C1QL1: variants seen among roughly 807,000 people sequenced by gnomAD.
C1QL1 encodes complement C1q like 1, also known as C1q-related factor.
In C1QL1, 15 loss-of-function variants were observed where a neutral mutation model predicts 14.2. That is an observed-to-expected ratio of 1.06 (90% CI 0.71 to 1.62). The LOEUF is 1.62. C1QL1 is among the 40% of genes most tolerant of loss of function. C1QL1 has a pLI of 0.00. For synonymous variants in C1QL1, 172 were observed against 172.4 expected (o/e 1.00, Z 0.02); for missense variants, 346 against 380.3 (o/e 0.91, Z 0.75).
chr17:44,968,040 C>A lies in C1QL1; in HGVS notation c.9G>T (p.Leu3=). 1 of 1,346,798 alleles carries A rather than the reference C, an allele frequency of 7.4e-7. No homozygotes were observed. The allele number at this position is 1,346,798 out of a possible 1,614,324, so 83.4% of individuals were successfully genotyped here. ML[L]VLVVLIPVLV... is the part of the protein sequence containing the mutation. ...GCACGGGGATGAGCACCACCAGCAC[C>A]AGCAGCATCACCACACCCGCGGCGG... The change falls in exon 1 of 2, where the codon CTG becomes CTT. Residue 3 remains leucine, a synonymous_variant. Coordinates refer to ENST00000253407, the MANE Select transcript of C1QL1 (RefSeq NM_006688.5).
At chr17:44,966,679 G>A (rs924051824) in intron 1 of C1QL1, among the ~76,000 whole-genome samples, 2 of 152,154 alleles carry the variant, frequency 1.3e-5, no homozygotes, top group Non-Finnish European at 2.9e-5. Flanking sequence ...GGAGAATGGA[G>A]AGGACCCCAC....
rs775034078 is a variant in C1QL1 at position 44,967,990 on chromosome 17, C to A, written c.59G>T (p.Gly20Val). ...GCAGGTGCCCAGCATCTCATAGTGGCCTTCCGGGCCGCCCGAGCTCACCAG... is the reference window on the plus strand; with the variant it reads ...GCAGGTGCCCAGCATCTCATAGTGGACTTCCGGGCCGCCCGAGCTCACCAG... ...PVLVSSGGPE[G>V]HYEMLGTCRM... Residue 20 changes from glycine (G) to valine (V), a missense_variant, in exon 1 of 2, where the codon GGC becomes GTC. By Grantham distance (109) the Gly-to-Val change is moderately radical. Transcript: ENST00000253407. The surrounding 1 kb of genome is among the most constrained non-coding windows in gnomAD (Gnocchi z 7.0). 1.4e-6 allele frequency: 2 copies of A among 1,383,912 alleles called. No individual in the cohort carries two copies. Among genetic ancestry groups the A allele is most frequent in the African/African-American group, 1.5e-5 (1 of 66,654 alleles). The allele number at this position is 1,383,912 out of a possible 1,614,324, so 85.7% of individuals were successfully genotyped here. A position where few individuals can be genotyped will look rare whatever the true frequency, so the allele number is the denominator to read the frequency against.
intron 1 of C1QL1, among the ~76,000 whole-genome samples, chr17:44,963,673 G>A (rs1394693034): frequency 2.0e-5 from 3 of 152,018 alleles, no homozygotes; most frequent in Non-Finnish European, 2.9e-5. Flanking sequence ...TGATCCGCCC[G>A]CCTCAGCCTC....
rs1704369518 is a variant in C1QL1 at position 44,960,163 on chromosome 17, G to C, written c.*25C>G. The C allele has an allele frequency of 3.1e-6, 5 of 1,609,464 alleles. No homozygotes were observed. The highest frequency in any genetic ancestry group is 4.3e-6 in the Non-Finnish European group (5 of 1,176,374). ...GAGGGGACCCCGGCGGGTGAGGGAC[G>C]TGGGTGGAGGGAGACGTGGGGAGCT... On this transcript the variant is annotated 3_prime_UTR_variant, in exon 2 of 2. Coordinates refer to ENST00000253407, the MANE Select transcript of C1QL1 (RefSeq NM_006688.5).
At chr17:44,961,176 C>A (rs2052625276) in intron 1 of C1QL1, among the ~76,000 whole-genome samples, 1 of 152,232 alleles carries the variant, frequency 6.6e-6, no homozygotes, top group South Asian at 2.1e-4. Flanking sequence ...GATGTGACAT[C>A]CTTGCTGGTC....
At position 44,967,469 on chromosome 17, in the gene C1QL1, G is replaced by A. The variant is rs753777778; in HGVS notation, c.580C>T (p.Leu194Phe). 6.8e-6 allele frequency: 11 copies of A among 1,613,824 alleles called. No homozygotes were observed. The highest frequency in any genetic ancestry group is 1.7e-5 in the Admixed American group (1 of 60,016). ...GGDGTSMWADLCKNGQVRASA... is the reference protein window; with the variant it reads ...GGDGTSMWADFCKNGQVRASA... The stretch of plus-strand genomic sequence containing the variant: ...TGGCCCACCTGGCCATTCTTGCAGA[G>A]GTCTGCCCACATACTGGTGCCGTCG... The change falls in exon 1 of 2, where the codon CTC (leucine) becomes TTC (phenylalanine). Residue 194 changes from leucine to phenylalanine, a missense_variant. Physicochemically the swap from Leu to Phe is conservative, Grantham distance 22. Transcript: ENST00000253407. This position sits in a 1 kb window ranked among gnomAD's most constrained non-coding sequence, Gnocchi z 7.0.
rs746407035 is a variant in C1QL1 at position 44,966,696 on chromosome 17, C to T, written c.597+756G>A. On this transcript the variant is annotated intron_variant, in intron 1 of 1. Transcript: ENST00000253407. ...AGAATGGAGAGGACCCCACACACTC[C>T]AGAGTCAGGAGGGGCTGGAGCTGGG... Among the ~76,000 whole-genome samples, 112 of 152,246 alleles carry T rather than the reference C, an allele frequency of 7.4e-4. 1 individual carries two copies. The highest frequency in any genetic ancestry group is 5.8e-4 in the East Asian group (3 of 5,178).
In C1QL1 at chr17:44,967,945, T is replaced by G. The variant is rs772406073; in HGVS notation, c.104A>C (p.Tyr35Ser). The G allele has an allele frequency of 3.1e-6, 4 of 1,306,044 alleles. No individual in the cohort carries two copies. Among genetic ancestry groups the G allele is most frequent in the Non-Finnish European group, 3.9e-6 (4 of 1,032,268 alleles). The allele number at this position is 1,306,044 out of a possible 1,614,324, so 80.9% of individuals were successfully genotyped here. Residue 35 changes from tyrosine (Y) to serine (S), a missense_variant, in exon 1 of 2, where the codon TAC becomes TCC. Transcript: ENST00000253407. This position sits in a 1 kb window ranked among gnomAD's most constrained non-coding sequence, Gnocchi z 7.0. ...LGTCRMVCDP[Y>S]PARGPGAGAR... Reference sequence around the variant, plus strand: ...GCCGGCGCCGGGGCCCCGCGCGGGGTAGGGGTCGCACACCATGCGGCAGGT... The same window carrying G: ...GCCGGCGCCGGGGCCCCGCGCGGGGGAGGGGTCGCACACCATGCGGCAGGT...
chr17:44,962,682 C>A (rs2052634760), intron 1 of C1QL1, among the ~76,000 whole-genome samples: 1 of 152,168 alleles, frequency 6.6e-6, no homozygotes, highest in South Asian at 2.1e-4. Context: ...TATTATTACA[C>A]ATGCATTTCA....
Position 44,968,008 on chromosome 17 carries a change from C to A in C1QL1, c.41G>T (p.Ser14Ile). 7.2e-7 allele frequency: 1 copy of A among 1,388,106 alleles called. No individual in the cohort carries two copies. Among genetic ancestry groups the A allele is most frequent in the Admixed American group, 2.5e-5 (1 of 39,940 alleles). The allele number at this position is 1,388,106 out of a possible 1,614,324, so 86.0% of individuals were successfully genotyped here. The change falls in exon 1 of 2, where the codon AGC becomes ATC. Residue 14 changes from serine to isoleucine, a missense_variant. Ser to Ile is a moderately radical substitution (Grantham distance 142). Coordinates refer to ENST00000253407, the MANE Select transcript of C1QL1 (RefSeq NM_006688.5). ...ATAGTGGCCTTCCGGGCCGCCCGAGCTCACCAGCACGGGGATGAGCACCAC... is the reference window on the plus strand; with the variant it reads ...ATAGTGGCCTTCCGGGCCGCCCGAGATCACCAGCACGGGGATGAGCACCAC... ...VLVVLIPVLV[S>I]SGGPEGHYEM...
chr17:44,965,220 G>A (rs1663839487), intron 1 of C1QL1, among the ~76,000 whole-genome samples: 1 of 152,192 alleles, frequency 6.6e-6, no homozygotes, highest in Non-Finnish European at 1.5e-5. Context: ...CACCGTGTTA[G>A]CCAGGATGGT....
chr17:44,963,952 G>A (rs2052642240), intron 1 of C1QL1, among the ~76,000 whole-genome samples: 1 of 152,156 alleles, frequency 6.6e-6, no homozygotes, highest in South Asian at 2.1e-4. Flanking sequence ...TGTGGATCTT[G>A]GAGGCAGCTG....
intron 1 of C1QL1, among the ~76,000 whole-genome samples, chr17:44,960,657 G>C (rs540301090): frequency 4.3e-4 from 66 of 152,324 alleles, no homozygotes; most frequent in South Asian, 2.1e-3. Context: ...CCCTCCAGCT[G>C]GCTGAGAACC....
chr17:44,966,316 C>T (rs925659618), intron 1 of C1QL1, among the ~76,000 whole-genome samples: 1 of 152,200 alleles, frequency 6.6e-6, no homozygotes, highest in Admixed American at 6.5e-5. Context: ...GCTGGCAGAG[C>T]CTCAGGGCAG....
intron 1 of C1QL1, among the ~76,000 whole-genome samples, chr17:44,964,843 C>CTTTTG (rs2052648452): frequency 6.6e-6 from 1 of 151,398 alleles, no homozygotes; most frequent in South Asian, 2.1e-4. Context: ...CTTTTCTTTT[C>CTTTTG]TTTTCTTTTT....
intron 1 of C1QL1, among the ~76,000 whole-genome samples, chr17:44,966,249 T>C (rs2052656812): frequency 1.3e-5 from 2 of 152,212 alleles, no homozygotes; most frequent in African/African-American, 4.8e-5. Context: ...TGGCAGGCTA[T>C]CTGCTCACTT....
intron 1 of C1QL1, among the ~76,000 whole-genome samples, chr17:44,961,565 C>T (rs1314905362): frequency 7.3e-6 from 1 of 137,550 alleles, no homozygotes; most frequent in Admixed American, 7.6e-5. Context: ...GCGCTCCAGC[C>T]TGGGCGACAT....
chr17:44,967,905 G>C lies in C1QL1; in HGVS notation c.144C>G (p.Gly48=). Residue 48 remains glycine, a synonymous_variant, in exon 1 of 2, where the codon GGC becomes GGG. Transcript: ENST00000253407. This position sits in a 1 kb window ranked among gnomAD's most constrained non-coding sequence, Gnocchi z 7.0. ...CGCTCTGCTCGCTCAGGGCGTCGCC[G>C]CCGTCGGTCCGCGCGCCGGCGCCGG... The part of the protein sequence containing the change: ...RGPGAGARTD[G]GDALSEQSGA... 8.0e-7 allele frequency: 1 copy of C among 1,247,036 alleles called. No individual in the cohort carries two copies. The highest frequency in any genetic ancestry group is 1.6e-5 in the African/African-American group (1 of 64,212). The allele number at this position is 1,247,036 out of a possible 1,614,324, so 77.2% of individuals were successfully genotyped here.
chr17:44,967,968 G>C lies in C1QL1; in HGVS notation c.81C>G (p.Thr27=). The change falls in exon 1 of 2, where the codon ACC becomes ACG. Residue 27 remains threonine (T), a synonymous_variant. Coordinates refer to ENST00000253407, the MANE Select transcript of C1QL1 (RefSeq NM_006688.5). This position sits in a 1 kb window ranked among gnomAD's most constrained non-coding sequence, Gnocchi z 7.0. ...GPEGHYEMLG[T]CRMVCDPYPA... is the part of the protein sequence containing the mutation. Reference sequence around the variant, plus strand: ...GGTAGGGGTCGCACACCATGCGGCAGGTGCCCAGCATCTCATAGTGGCCTT... The same window carrying C: ...GGTAGGGGTCGCACACCATGCGGCACGTGCCCAGCATCTCATAGTGGCCTT... 7.4e-7 allele frequency: 1 copy of C among 1,358,942 alleles called. No homozygotes were observed. Among genetic ancestry groups the C allele is most frequent in the Non-Finnish European group, 9.5e-7 (1 of 1,055,382 alleles). 84.2% of individuals were successfully genotyped at this position (1,358,942 alleles called of 1,614,324 possible).
Sources: allele counts gnomAD v4.1 joint callset (sites outside exome capture counted in the v4.1 genomes callset), GRCh38; gene constraint gnomAD v4.1.1; non-coding constraint Gnocchi (gnomAD v3.1); transcripts MANE v1.5; gene names NCBI Gene and HGNC (gene_info 2026-07-23, HGNC 2026-07-21).